LYST: variants seen among roughly 807,000 people sequenced by gnomAD.
LYST encodes the protein lysosomal-trafficking regulator.
Under a neutral mutation model 413.6 loss-of-function variants are expected in LYST, and 192 were observed. That is an observed-to-expected ratio of 0.46 (90% confidence interval 0.41 to 0.52). The LOEUF (loss-of-function observed/expected upper bound fraction) is 0.52. Among genes scored for constraint, LYST ranks in the 20% least tolerant of loss-of-function variants. The pLI is 0.00. For synonymous variants in LYST, 1,525 were observed against 1,567.3 expected (o/e 0.97, Z 0.64); for missense variants, 3,815 against 4,499.9 (o/e 0.85, Z 4.35).
chr1:235,794,458 A>G (rs1338234852), intron 10 of LYST, among the ~76,000 whole-genome samples: 1 of 152,206 alleles, frequency 6.6e-6, no homozygotes, highest in Non-Finnish European at 1.5e-5. Context: ...GAGCAAAATA[A>G]TAACTAATAT....
At chr1:235,757,214 A>G in intron 24 of LYST, 67 bp downstream of exon 24, 1 of 1,124,714 alleles carries the variant, frequency 8.9e-7, no homozygotes, top group Non-Finnish European at 1.3e-6. Context: ...GTATATACTC[A>G]AAATTTTAAA....
chr1:235,679,750 A>G (rs1341838482), intron 48 of LYST, among the ~76,000 whole-genome samples: 1 of 152,104 alleles, frequency 6.6e-6, no homozygotes, highest in African/African-American at 2.4e-5. Context: ...ACTCATTTTC[A>G]TTCTGAGAGA....
chr1:235,703,032 A>T lies in LYST; in HGVS notation c.10144-55T>A. Reference sequence around the variant, plus strand: ...CATATGTAGTAAAAAGAAAGACTTGACAATAATACCAAAGGGAAAAACAAC... The same window carrying T: ...CATATGTAGTAAAAAGAAAGACTTGTCAATAATACCAAAGGGAAAAACAAC... On this transcript the variant is annotated intron_variant, in intron 44 of 52. Coordinates refer to ENST00000389793, the MANE Select transcript of LYST (RefSeq NM_000081.4). 9.8e-6 allele frequency: 12 copies of T among 1,229,264 alleles called. No individual in the cohort carries two copies. In the South Asian group the frequency reaches 1.4e-4, roughly 15 times the overall value. The allele number at this position is 1,229,264 out of a possible 1,614,324, so 76.1% of individuals were successfully genotyped here. A position where few individuals can be genotyped will look rare whatever the true frequency, so the allele number is the denominator to read the frequency against.
chr1:235,774,786 A>G (rs1464067098), intron 18 of LYST, 127 bp downstream of exon 18: 2 of 648,404 alleles, frequency 3.1e-6, no homozygotes, highest in Non-Finnish European at 2.7e-6. Flanking sequence ...GATTAACTAT[A>G]CACTAATAAG....
At chr1:235,743,314 C>T (rs1665599119) in intron 30 of LYST, among the ~76,000 whole-genome samples, 1 of 152,000 alleles carries the variant, frequency 6.6e-6, no homozygotes, top group Admixed American at 6.5e-5. Flanking sequence ...TCCTAAGGGC[C>T]CTGTTTGAGT....
At chr1:235,860,442 C>T (rs1472363108) in intron 1 of LYST, among the ~76,000 whole-genome samples, 2 of 152,160 alleles carry the variant, frequency 1.3e-5, no homozygotes, top group Non-Finnish European at 2.9e-5. Context: ...CATGTAGCTA[C>T]CACTGTAGTA....
chr1:235,864,359 C>G (rs1052789019), intron 1 of LYST, among the ~76,000 whole-genome samples: 1 of 152,120 alleles, frequency 6.6e-6, no homozygotes, highest in East Asian at 1.9e-4. Context: ...CCCACCAAAC[C>G]TACTCCTCTC....
intron 1 of LYST, among the ~76,000 whole-genome samples, chr1:235,855,970 GTGGC>G (rs1314456667): frequency 9.9e-5 from 15 of 152,148 alleles, no homozygotes; most frequent in African/African-American, 3.6e-4. Context: ...CTCAGATCTG[GTGGC>G]TGAATCTACT....
chr1:235,730,613 GTA>G (rs5781842), intron 36 of LYST, among the ~76,000 whole-genome samples: 1,167 of 72,124 alleles, frequency 0.016, 16 homozygotes, highest in Middle Eastern at 0.045. Flanking sequence ...GTGTGTGTGT[GTA>G]TATGTAAACT....
intron 1 of LYST, among the ~76,000 whole-genome samples, chr1:235,843,908 G>A (rs1329521136): frequency 1.3e-5 from 2 of 152,144 alleles, no homozygotes; most frequent in African/African-American, 2.4e-5. Context: ...CCCTTTTAAA[G>A]TAACACTACG....
intron 49 of LYST, 29 bp from the exon 50 acceptor site, chr1:235,677,217 A>G: frequency 6.8e-7 from 1 of 1,469,900 alleles, no homozygotes; most frequent in Non-Finnish European, 9.5e-7. Context: ...GAATTTGTAT[A>G]TGATCATTAA....
rs1038066986 is a variant in LYST, at chr1:235,716,656, T to G, written c.9627+56A>C. The G allele has an allele frequency of 4.4e-6, 5 of 1,129,468 alleles. No individual in the cohort carries two copies. In the African/African-American group the frequency reaches 6.2e-5, roughly 14 times the overall value. The allele number at this position is 1,129,468 out of a possible 1,614,324, so 70.0% of individuals were successfully genotyped here. A position where few individuals can be genotyped will look rare whatever the true frequency, so the allele number is the denominator to read the frequency against. ...TTTAAAATTAGGTAAAACACAAGTCTGTAAAACAAAACACAATTTTTCATT... is the reference window on the plus strand; with the variant it reads ...TTTAAAATTAGGTAAAACACAAGTCGGTAAAACAAAACACAATTTTTCATT... On this transcript the variant is annotated intron_variant, in intron 41 of 52. Transcript: ENST00000389793.
intron 29 of LYST, among the ~76,000 whole-genome samples, chr1:235,744,581 G>C (rs1665724017): frequency 6.6e-6 from 1 of 150,630 alleles, no homozygotes; most frequent in African/African-American, 2.5e-5. Flanking sequence ...GGAGTCTGTT[G>C]CACAGAATGT....
intron 4 of LYST, among the ~76,000 whole-genome samples, chr1:235,811,519 C>T (rs1673447897): frequency 6.6e-6 from 1 of 151,992 alleles, no homozygotes; most frequent in African/African-American, 2.4e-5. Context: ...TTATTTCATC[C>T]CCGGTGCCTA....
At chr1:235,734,907 A>C in intron 31 of LYST, 1 of 301,154 alleles carries the variant, frequency 3.3e-6, no homozygotes. Flanking sequence ...ATTTAAAAAA[A>C]AGAATTTAGA....
At chr1:235,808,374 C>G in intron 5 of LYST, 81 bp downstream of exon 5, 1 of 1,312,410 alleles carries the variant, frequency 7.6e-7, no homozygotes, top group South Asian at 1.3e-5. Flanking sequence ...CAATTTATCA[C>G]TCACTTGAAA....
intron 45 of LYST, among the ~76,000 whole-genome samples, chr1:235,699,401 T>C (rs559507929): frequency 5.0e-4 from 76 of 152,328 alleles, no homozygotes; most frequent in Admixed American, 1.8e-3. Flanking sequence ...TCCATGTCCC[T>C]GCAAATGACA....
intron 47 of LYST, among the ~76,000 whole-genome samples, chr1:235,690,721 G>C (rs1255301018): frequency 6.6e-6 from 1 of 152,134 alleles, no homozygotes; most frequent in African/African-American, 2.4e-5. Context: ...AAAGAGCTCA[G>C]GGAATGGGAT....
Position 235,806,769 on chromosome 1 carries a change from T to A in LYST, c.2367A>T (p.Val789=). ...TACAACTCAAAAACAAATCTCTTAT[T>A]ACCCTGTGAAAGAAAAAAAGCATGT... is the stretch of plus-strand genomic sequence containing the variant. ...KTLPILLKSR[V]IRDLFLSCNG... The change falls in exon 6 of 53, where the codon GTA becomes GTT. Residue 789 remains valine (V), a synonymous_variant. Transcript: ENST00000389793. 1 of 1,604,918 alleles carries A rather than the reference T, an allele frequency of 6.2e-7. No individual in the cohort carries two copies. Among genetic ancestry groups the A allele is most frequent in the South Asian group, 1.1e-5 (1 of 90,816 alleles).
Sources: allele counts gnomAD v4.1 joint callset (sites outside exome capture counted in the v4.1 genomes callset), GRCh38; gene constraint gnomAD v4.1.1; transcripts MANE v1.5; gene names NCBI Gene and HGNC (gene_info 2026-07-23, HGNC 2026-07-21).